The following ZNF875 variants were observed in gnomAD, a reference collection of about 807,000 sequenced individuals.
The protein encoded by ZNF875 is zinc finger protein 875, also known as HKR1, GLI-Kruppel zinc finger family member.
ZNF875 carries 14 observed loss-of-function variants against 11.2 expected under a neutral mutation model. That is an observed-to-expected ratio of 1.26 (90% confidence interval 0.83 to 1.96). The LOEUF is 1.96. ZNF875 is among the 30% of genes most tolerant of loss of function. ZNF875 has a pLI of 0.00. For missense variants in ZNF875, 752 were observed against 760.4 expected (o/e 0.99, Z 0.13); for synonymous variants, 301 against 281.1 (o/e 1.07, Z -0.71).
chr19:37,337,897 C>T (rs2034845688), intron 2 of ZNF875, among the ~76,000 whole-genome samples: 1 of 152,156 alleles, frequency 6.6e-6, no homozygotes, highest in Admixed American at 6.6e-5. Context: ...TTTGCCTTGA[C>T]TATCCTTATC....
chr19:37,360,020 T>G (rs562287049), intron 4 of ZNF875, among the ~76,000 whole-genome samples: 3 of 152,330 alleles, frequency 2.0e-5, no homozygotes, highest in African/African-American at 4.8e-5. Flanking sequence ...TTATGAAGAT[T>G]TTCTTCACTG....
chr19:37,327,273 A>G (rs1046190936), intron 4 of ZNF875, among the ~76,000 whole-genome samples: 1 of 152,050 alleles, frequency 6.6e-6, no homozygotes, highest in Non-Finnish European at 1.5e-5. Context: ...TATTACAGGC[A>G]TGAGCCATTT....
intron 2 of ZNF875, chr19:37,337,137 C>G (rs2034638001): frequency 6.7e-6 from 1 of 149,042 alleles, no homozygotes; most frequent in Non-Finnish European, 1.5e-5. Flanking sequence ...TGAACAACGT[C>G]TTTATCATTT....
upstream of ZNF875, among the ~76,000 whole-genome samples, chr19:37,333,479 C>T (rs1485427814): frequency 6.6e-6 from 1 of 152,128 alleles, no homozygotes; most frequent in Admixed American, 6.5e-5. Context: ...ACATGCAAAC[C>T]TTGTTTTTTA....
At chr19:37,356,106 A>G (rs1173867206) in intron 4 of ZNF875, among the ~76,000 whole-genome samples, 1 of 152,168 alleles carries the variant, frequency 6.6e-6, no homozygotes. Context: ...AGAGGACATG[A>G]TTTCATTCTT....
chr19:37,340,154 G>A (rs1251240636), intron 2 of ZNF875, among the ~76,000 whole-genome samples: 1 of 151,808 alleles, frequency 6.6e-6, no homozygotes, highest in Non-Finnish European at 1.5e-5. Context: ...AGTTCATTTT[G>A]TATTTTTAGT....
chr19:37,321,184 G>T (rs996282218), intron 1 of ZNF875, among the ~76,000 whole-genome samples: 73 of 152,076 alleles, frequency 4.8e-4, no homozygotes, highest in Non-Finnish European at 1.0e-4. Context: ...AAGACCTGAC[G>T]TTCCCCCAGC....
At chr19:37,349,311 CAG>C (rs1454931270) in intron 4 of ZNF875, among the ~76,000 whole-genome samples, 2 of 152,130 alleles carry the variant, frequency 1.3e-5, no homozygotes, top group Non-Finnish European at 2.9e-5. Context: ...TTTGGGGAAA[CAG>C]AACTCAACCT....
chr19:37,335,127 T>TA lies in ZNF875; in HGVS notation c.-56-42_-56-41insA. On this transcript the variant is annotated intron_variant, in intron 1 of 4. Transcript: ENST00000392153. The stretch of plus-strand genomic sequence containing the variant: ...ACTGCGCTTCACTTCGTGGGGAGGG[T>TA]GTTTCCACCTAGGCCACTCTTATTT... 4 of 681,278 alleles carry TA rather than the reference T, an allele frequency of 5.9e-6. No individual in the cohort carries two copies. The South Asian group carries it at 6.0e-5, about 10-fold the overall frequency. 42.2% of individuals were successfully genotyped at this position (681,278 alleles called of 1,614,324 possible).
At chr19:37,328,034 G>A (rs1022610964) in intron 4 of ZNF875, among the ~76,000 whole-genome samples, 1 of 152,124 alleles carries the variant, frequency 6.6e-6, no homozygotes, top group African/African-American at 2.4e-5. Flanking sequence ...CTGAGGTCAG[G>A]AGTTCAAGAC....
intron 4 of ZNF875, among the ~76,000 whole-genome samples, chr19:37,349,239 C>A (rs1234641646): frequency 6.6e-6 from 1 of 152,194 alleles, no homozygotes; most frequent in Non-Finnish European, 1.5e-5. Flanking sequence ...TCTGCAACAA[C>A]CCTGTTTCCA....
At position 37,347,831 on chromosome 19, in the gene ZNF875, C is replaced by G. The variant is rs2037110679; in HGVS notation, c.215C>G (p.Pro72Arg). The stretch of plus-strand genomic sequence containing the variant: ...GCTCAGCTGGAGCGAGGGGAAGCGC[C>G]CTGGAGAGAGGAGAGAAAATGTCCA... ...LIAQLERGEA[P>R]WREERKCPLD... Residue 72 changes from proline to arginine, a missense_variant, in exon 4 of 5, where the codon CCC (proline) becomes CGC (arginine). By Grantham distance (103) the Pro-to-Arg change is moderately radical. Coordinates refer to ENST00000392153, the MANE Select transcript of ZNF875 (RefSeq NM_001353803.2). 1 of 1,613,366 alleles carries G rather than the reference C, an allele frequency of 6.2e-7. No individual in the cohort carries two copies. The highest frequency in any genetic ancestry group is 1.3e-5 in the African/African-American group (1 of 74,852).
In ZNF875 at chr19:37,362,873, A is replaced by C. The variant is rs2040192383; in HGVS notation, c.1021A>C (p.Lys341Gln). ...THSGLKPYVCKECGQSFSLKS... is the reference protein window; with the variant it reads ...THSGLKPYVCQECGQSFSLKS... ...CTCAGGGCTCAAGCCTTATGTGTGCAAGGAATGTGGGCAGAGCTTTAGCCT... is the reference window on the plus strand; with the variant it reads ...CTCAGGGCTCAAGCCTTATGTGTGCCAGGAATGTGGGCAGAGCTTTAGCCT... Residue 341 changes from lysine (K) to glutamine (Q), a missense_variant, in exon 5 of 5, where the codon AAG becomes CAG. Lys to Gln is a moderately conservative substitution (Grantham distance 53). Transcript: ENST00000392153. 1.9e-6 allele frequency: 3 copies of C among 1,613,824 alleles called. No individual in the cohort carries two copies. In the African/African-American group the frequency reaches 4.0e-5, roughly 22 times the overall value.
Position 37,363,796 on chromosome 19 carries a change from A to G in ZNF875, c.*21A>G, listed in dbSNP as rs1454252827. The G allele has an allele frequency of 8.2e-6, 13 of 1,593,470 alleles. No individual in the cohort carries two copies. The highest frequency in any genetic ancestry group is 1.7e-5 in the Admixed American group (1 of 59,630). The stretch of plus-strand genomic sequence containing the variant: ...GATAGAAACTTTATGTGTATAGGGA[A>G]TGTGGTACAGCCTTTAGCCAGGAGT... On this transcript the variant is annotated 3_prime_UTR_variant, in exon 5 of 5. Transcript: ENST00000392153.
chr19:37,352,471 T>G (rs1223593914), intron 4 of ZNF875, among the ~76,000 whole-genome samples: 1 of 152,122 alleles, frequency 6.6e-6, no homozygotes, highest in Non-Finnish European at 1.5e-5. Context: ...CTCGAACTCC[T>G]GGCCTCAGGT....
Position 37,362,632 on chromosome 19 carries a change from A to T in ZNF875, c.780A>T (p.Gly260=), listed in dbSNP as rs1353783205. The T allele has an allele frequency of 9.3e-6, 15 of 1,613,352 alleles. No individual in the cohort carries two copies. Residue 260 remains glycine, a synonymous_variant, in exon 5 of 5, where the codon GGA becomes GGT. Transcript: ENST00000392153. ...GETPYMYTEW[G]DSFGSMSVLI... The stretch of plus-strand genomic sequence containing the variant: ...CACCTTACATGTACACTGAGTGGGG[A>T]GACAGCTTTGGCAGTATGTCAGTCC...
upstream of ZNF875, among the ~76,000 whole-genome samples, chr19:37,330,026 T>TAC (rs2033134905): frequency 6.6e-6 from 1 of 152,180 alleles, no homozygotes; most frequent in Non-Finnish European, 1.5e-5. Flanking sequence ...CTGTTTGCTG[T>TAC]GTTTATTGAC....
chr19:37,351,291 CTCTT>C (rs2037854572), intron 4 of ZNF875, among the ~76,000 whole-genome samples: 1 of 152,044 alleles, frequency 6.6e-6, no homozygotes, highest in South Asian at 2.1e-4. Context: ...GTGGTGCTTC[CTCTT>C]TCATTCCCCA....
At chr19:37,325,777 G>C (rs2032334137) in intron 4 of ZNF875, among the ~76,000 whole-genome samples, 1 of 151,898 alleles carries the variant, frequency 6.6e-6, no homozygotes, top group African/African-American at 2.4e-5. Context: ...GCACAATCTT[G>C]ACTCACTGCA....
Sources: allele counts gnomAD v4.1 joint callset (sites outside exome capture counted in the v4.1 genomes callset), GRCh38; gene constraint gnomAD v4.1.1; transcripts MANE v1.5; gene names NCBI Gene and HGNC (gene_info 2026-07-23, HGNC 2026-07-21).